The following NIM1K variants were observed in gnomAD, a reference collection of about 807,000 sequenced individuals.
NIM1K encodes the protein serine/threonine-protein kinase NIM1.
Under a neutral mutation model 37.1 loss-of-function variants are expected in NIM1K, and 35 were observed. The observed-to-expected ratio is 0.94, with a 90% CI of 0.72 to 1.25. The LOEUF (loss-of-function observed/expected upper bound fraction) is 1.25. Ranked by LOEUF, NIM1K falls within the 50% of genes most tolerant of loss-of-function variation. NIM1K has a pLI of 0.00. For missense variants in NIM1K, 564 were observed against 548.0 expected, an observed-to-expected ratio of 1.03 and a Z score of -0.29; for synonymous variants, 234 against 206.6, an observed-to-expected ratio of 1.13 and a Z score of -1.14.
rs182305713 is a variant in NIM1K at position 43,270,764 on chromosome 5, A to T, written c.293-6293A>T. On this transcript the variant is annotated intron_variant, in intron 2 of 3. Transcript: ENST00000326035. ...TTTAACCAGAGTCATGGTTTAGCAA[A>T]GTGAACTCAACAACCTGGGAGAGAG... is the stretch of plus-strand genomic sequence containing the variant. Among the ~76,000 whole-genome samples, 4 of 152,320 alleles carry T rather than the reference A, an allele frequency of 2.6e-5. No homozygotes were observed. The East Asian group carries it at 5.8e-4, about 22-fold the overall frequency.
chr5:43,251,543 A>AATTGAGTACTCACATGT (rs1469275866), intron 2 of NIM1K, among the ~76,000 whole-genome samples: 1 of 152,172 alleles, frequency 6.6e-6, no homozygotes, highest in Non-Finnish European at 1.5e-5. Flanking sequence ...ATTCACATGG[A>AATTGAGTACTCACATGT]ATTGAGTACT....
In NIM1K at chr5:43,245,735, C is replaced by T. The variant is rs754508165; in HGVS notation, c.-41C>T. The T allele has an allele frequency of 1.3e-6, 2 of 1,536,874 alleles. No homozygotes were observed. Among genetic ancestry groups the T allele is most frequent in the Middle Eastern group, 2.4e-4 (1 of 4,224 alleles). On this transcript the variant is annotated 5_prime_UTR_variant, in exon 2 of 4. Coordinates refer to ENST00000326035, the MANE Select transcript of NIM1K (RefSeq NM_153361.4). ...TGAGCCTCTTCTGCTCCTGCACAAC[C>T]TGCCTCTTCGCTGAGATGGAGACGT...
At chr5:43,228,253 T>G (rs1449362539) in intron 1 of NIM1K, among the ~76,000 whole-genome samples, 1 of 152,016 alleles carries the variant, frequency 6.6e-6, no homozygotes, top group African/African-American at 2.4e-5. Flanking sequence ...TTCACGCCAT[T>G]CTTCTGCCTC....
At chr5:43,277,472 T>A in intron 3 of NIM1K, 147 bp downstream of exon 3, 1 of 830,348 alleles carries the variant, frequency 1.2e-6, no homozygotes, top group Non-Finnish European at 1.8e-6. Context: ...GAAGTCTGGC[T>A]GGGATCATGC....
At chr5:43,258,972 A>G (rs1459085230) in intron 2 of NIM1K, among the ~76,000 whole-genome samples, 2 of 125,690 alleles carry the variant, frequency 1.6e-5, no homozygotes, top group Non-Finnish European at 3.2e-5. Context: ...TTTCATACCC[A>G]TAGCTAAACT....
intron 1 of NIM1K, among the ~76,000 whole-genome samples, chr5:43,197,328 G>T (rs898730509): frequency 6.7e-6 from 1 of 149,126 alleles, no homozygotes; most frequent in African/African-American, 2.5e-5. Flanking sequence ...TCGGTGGTAG[G>T]GGGGGCGGGC....
At chr5:43,270,513 G>A (rs1272670543) in intron 2 of NIM1K, among the ~76,000 whole-genome samples, 1 of 152,178 alleles carries the variant, frequency 6.6e-6, no homozygotes, top group Non-Finnish European at 1.5e-5. Flanking sequence ...TAGGAAGCAA[G>A]GTTACCAGCT....
At chr5:43,230,384 GCTT>G (rs1187710711) in intron 1 of NIM1K, among the ~76,000 whole-genome samples, 9 of 151,988 alleles carry the variant, frequency 5.9e-5, no homozygotes, top group Admixed American at 4.6e-4. Flanking sequence ...GAGAGGTCAT[GCTT>G]CTTTTTTTAA....
chr5:43,229,230 C>G (rs1752502443), intron 1 of NIM1K, among the ~76,000 whole-genome samples: 1 of 151,764 alleles, frequency 6.6e-6, no homozygotes, highest in Non-Finnish European at 1.5e-5. Flanking sequence ...ACTAAAAATA[C>G]AAAAATTAGC....
intron 2 of NIM1K, among the ~76,000 whole-genome samples, chr5:43,257,010 G>A (rs1028658691): frequency 6.6e-6 from 1 of 152,142 alleles, no homozygotes; most frequent in Non-Finnish European, 1.5e-5. Context: ...GGGTATTTAT[G>A]CATATGGAAT....
intron 1 of NIM1K, among the ~76,000 whole-genome samples, chr5:43,208,306 A>G (rs1199531250): frequency 6.6e-6 from 1 of 152,124 alleles, no homozygotes; most frequent in Non-Finnish European, 1.5e-5. Context: ...GAGAAAAAAA[A>G]AGAAAAAAGC....
chr5:43,196,518 C>T (rs1309639546), intron 1 of NIM1K, among the ~76,000 whole-genome samples: 1 of 151,476 alleles, frequency 6.6e-6, no homozygotes, highest in East Asian at 1.9e-4. Context: ...GCCTGTAGTC[C>T]CAGCTACTCG....
In NIM1K at chr5:43,213,249, TCTTG is replaced by T. The variant is rs761382494; in HGVS notation, c.-695+20839_-695+20842del. Among the ~76,000 whole-genome samples, 1,130 of 148,842 alleles carry T rather than the reference TCTTG, an allele frequency of 7.6e-3. 20 individuals carry two copies. The highest frequency in any genetic ancestry group is 0.016 in the African/African-American group (650 of 39,850). On this transcript the variant is annotated intron_variant, in intron 1 of 3. Transcript: ENST00000326035. ...TCCTTCTTTTCTTCCTTTCTTTCTT[TCTTG>T]TTCTTTCTTGTTTCTTTTTCTTTCT...
intron 2 of NIM1K, among the ~76,000 whole-genome samples, chr5:43,265,453 G>T (rs1296176076): frequency 6.6e-6 from 1 of 152,130 alleles, no homozygotes; most frequent in Non-Finnish European, 1.5e-5. Context: ...CTTGTGCCAT[G>T]GTTTTCAGCT....
intron 1 of NIM1K, among the ~76,000 whole-genome samples, chr5:43,224,151 C>A (rs553120619): frequency 2.0e-5 from 3 of 151,894 alleles, no homozygotes; most frequent in Admixed American, 6.6e-5. Flanking sequence ...TATCCTCCCC[C>A]CTCTTGCCTC....
chr5:43,244,099 ACCTT>A (rs1363954925), intron 1 of NIM1K, among the ~76,000 whole-genome samples: 2 of 152,136 alleles, frequency 1.3e-5, no homozygotes, highest in African/African-American at 2.4e-5. Flanking sequence ...CCCATACTTA[ACCTT>A]AAGTATAAGC....
intron 1 of NIM1K, chr5:43,207,336 C>T: frequency 1.3e-6 from 1 of 772,666 alleles, no homozygotes; most frequent in South Asian, 1.3e-5. Context: ...AAGATGGTCA[C>T]TATGGTAGAG....
intron 1 of NIM1K, among the ~76,000 whole-genome samples, chr5:43,220,459 T>C (rs1195748518): frequency 1.3e-5 from 2 of 152,144 alleles, no homozygotes; most frequent in East Asian, 3.9e-4. Flanking sequence ...CTAATTTTTG[T>C]ATATTTAATA....
At chr5:43,233,198 G>A (rs1752567305) in intron 1 of NIM1K, 4 of 1,086,050 alleles carry the variant, frequency 3.7e-6, no homozygotes, top group Non-Finnish European at 2.7e-6. Context: ...GGCTGCCGAG[G>A]CGATGGTGGA....
Sources: gnomAD v4.1 joint callset for allele counts (sites outside exome capture counted in the v4.1 genomes callset) on GRCh38, gnomAD v4.1.1 for gene constraint, MANE v1.5 for transcripts, NCBI Gene and HGNC (gene_info 2026-07-23, HGNC 2026-07-21) for gene names.